SAE1: variants seen among roughly 807,000 people sequenced by gnomAD.
SAE1 encodes SUMO-activating enzyme subunit 1.
In SAE1, 11 loss-of-function variants were observed where a neutral mutation model predicts 40.6. That is an observed-to-expected ratio of 0.27 (90% confidence interval 0.17 to 0.45). The LOEUF is 0.45. Among genes scored for constraint, SAE1 ranks in the 20% least tolerant of loss-of-function variants. The pLI, the probability that SAE1 is intolerant of heterozygous loss-of-function variation, is 1.00. For synonymous variants in SAE1, 155 were observed against 154.3 expected, an observed-to-expected ratio of 1.00 and a Z score of -0.03; for missense variants, 373 against 427.3, an observed-to-expected ratio of 0.87 and a Z score of 1.12.
intron 2 of SAE1, among the ~76,000 whole-genome samples, chr19:47,145,825 G>A (rs769390869): frequency 2.0e-5 from 3 of 152,068 alleles, no homozygotes; most frequent in Non-Finnish European, 2.9e-5. Flanking sequence ...ATCTTAGAGC[G>A]TATTATGTAG....
rs138040531 is a variant in SAE1 at position 47,197,612 on chromosome 19, G to A, written c.878+235G>A. On this transcript the variant is annotated intron_variant, in intron 7 of 8. Coordinates refer to ENST00000270225, the MANE Select transcript of SAE1 (RefSeq NM_005500.3). The stretch of plus-strand genomic sequence containing the variant: ...TATATTCACGTGGTTCAAAATTCAA[G>A]GCAATGTAAGATCTGTAAACATTAT... Among the ~76,000 whole-genome samples the A allele has an allele frequency of 4.4e-3, 669 of 152,236 alleles. 2 individuals are homozygous for A. Among genetic ancestry groups the A allele is most frequent in the African/African-American group, 0.015 (639 of 41,540 alleles).
At chr19:47,161,240 G>A (rs1022991407) in intron 5 of SAE1, among the ~76,000 whole-genome samples, 4 of 150,026 alleles carry the variant, frequency 2.7e-5, no homozygotes, top group East Asian at 2.0e-4. Context: ...CAAACTCCTG[G>A]CCTCAAGTGA....
intron 5 of SAE1, among the ~76,000 whole-genome samples, chr19:47,162,395 T>G (rs1215664667): frequency 6.6e-6 from 1 of 152,212 alleles, no homozygotes; most frequent in Non-Finnish European, 1.5e-5. Flanking sequence ...CATTTTCAGC[T>G]TTACCAGACC....
chr19:47,190,412 C>A (rs1487167690), intron 6 of SAE1, among the ~76,000 whole-genome samples: 1 of 152,214 alleles, frequency 6.6e-6, no homozygotes, highest in African/African-American at 2.4e-5. Context: ...TAAGCGAGAA[C>A]TTGTCAGGGG....
chr19:47,139,612 G>C (rs1397189859), intron 1 of SAE1, among the ~76,000 whole-genome samples: 1 of 137,008 alleles, frequency 7.3e-6, no homozygotes. Flanking sequence ...TTTTGAGACA[G>C]AGTCTCACTC....
chr19:47,206,767 C>T (rs2058688765), intron 8 of SAE1, among the ~76,000 whole-genome samples: 3 of 152,136 alleles, frequency 2.0e-5, no homozygotes, highest in Admixed American at 1.3e-4. Flanking sequence ...TGGTAAAGGA[C>T]TCCTGGCCCT....
At chr19:47,186,488 T>C (rs560099654) in intron 6 of SAE1, among the ~76,000 whole-genome samples, 1 of 152,264 alleles carries the variant, frequency 6.6e-6, no homozygotes, top group East Asian at 1.9e-4. Flanking sequence ...CATTTTTACA[T>C]GGTTCATTGA....
chr19:47,152,948 C>T lies in SAE1; in HGVS notation c.435C>T (p.Ile145=). ...SRDVIVKVDQ[I]CHKNSIKFFT... ...ATGTCATAGTTAAAGTTGACCAGATCTGTCACAAAAATAGCATCAAGTTCT... is the reference window on the plus strand; with the variant it reads ...ATGTCATAGTTAAAGTTGACCAGATTTGTCACAAAAATAGCATCAAGTTCT... Residue 145 remains isoleucine (I), a synonymous_variant, in exon 4 of 9, where the codon ATC becomes ATT. Transcript: ENST00000270225. The T allele has an allele frequency of 6.2e-7, 1 of 1,612,378 alleles. No individual in the cohort carries two copies. The highest frequency in any genetic ancestry group is 8.5e-7 in the Non-Finnish European group (1 of 1,179,804).
intron 5 of SAE1, among the ~76,000 whole-genome samples, chr19:47,159,640 C>T (rs1432944619): frequency 6.6e-6 from 1 of 151,530 alleles, no homozygotes; most frequent in Non-Finnish European, 1.5e-5. Flanking sequence ...CTGCAGCCTC[C>T]CAAGTAGCTG....
chr19:47,188,594 A>G (rs756726425), intron 6 of SAE1, among the ~76,000 whole-genome samples: 2 of 152,198 alleles, frequency 1.3e-5, no homozygotes, highest in Admixed American at 1.3e-4. Context: ...GAGCAGTGAC[A>G]GACCTGGAAG....
At chr19:47,162,644 A>G (rs2058366059) in intron 5 of SAE1, among the ~76,000 whole-genome samples, 1 of 152,088 alleles carries the variant, frequency 6.6e-6, no homozygotes, top group Admixed American at 6.6e-5. Context: ...TGGGGATTAT[A>G]TTCATCTTTA....
chr19:47,154,480 CTTTTTTTTTTTTTTTTT>C (rs57870733), intron 4 of SAE1, among the ~76,000 whole-genome samples: 3 of 51,606 alleles, frequency 5.8e-5, no homozygotes, highest in African/African-American at 8.3e-5. Flanking sequence ...TTAAGTTTGG[CTTTTTTTTTTTTTTTTT>C]TTTTTTTTTT....
Position 47,171,378 on chromosome 19 carries a change from C to G in SAE1, c.733+1455C>G, listed in dbSNP as rs374334375. On this transcript the variant is annotated intron_variant, in intron 6 of 8. Coordinates refer to ENST00000270225, the MANE Select transcript of SAE1 (RefSeq NM_005500.3). ...GCACGATCTTGGCACACTGCAACCT[C>G]TGCCTCCCAGGCTCAAGCAATTCTC... 1.1e-4 allele frequency among the ~76,000 whole-genome samples: 16 copies of G among 152,216 alleles called. 2 individuals are homozygous for G. Among genetic ancestry groups the G allele is most frequent in the Admixed American group, 5.2e-4 (8 of 15,266 alleles).
At chr19:47,198,965 G>A (rs1447344175) in intron 7 of SAE1, among the ~76,000 whole-genome samples, 1 of 152,132 alleles carries the variant, frequency 6.6e-6, no homozygotes, top group Non-Finnish European at 1.5e-5. Flanking sequence ...ACTGGTGCTT[G>A]TAGTCTCAGC....
intron 5 of SAE1, among the ~76,000 whole-genome samples, chr19:47,157,952 G>A (rs1387495666): frequency 2.0e-5 from 3 of 152,100 alleles, no homozygotes; most frequent in Non-Finnish European, 4.4e-5. Flanking sequence ...GCAATAACAT[G>A]CCTCCTTCCG....
intron 8 of SAE1, among the ~76,000 whole-genome samples, chr19:47,208,792 A>G (rs1568613873): frequency 6.6e-6 from 1 of 152,254 alleles, no homozygotes; most frequent in East Asian, 1.9e-4. Context: ...CCTGGGCTCA[A>G]GTGATTCTCC....
intron 1 of SAE1, 56 bp downstream of exon 1, chr19:47,131,084 G>C (rs2058139023): frequency 6.8e-7 from 1 of 1,468,410 alleles, no homozygotes; most frequent in Non-Finnish European, 9.0e-7. Context: ...TCTATTCTGA[G>C]GCGTTTGCGG....
intron 2 of SAE1, among the ~76,000 whole-genome samples, chr19:47,145,625 G>A (rs913315777): frequency 6.6e-6 from 1 of 151,996 alleles, no homozygotes; most frequent in Non-Finnish European, 1.5e-5. Context: ...CTGTCGCCCA[G>A]GCTGGAGTAC....
intron 6 of SAE1, among the ~76,000 whole-genome samples, chr19:47,181,780 C>CTTTTTTTTTTTTT (rs36107839): frequency 1.0e-5 from 1 of 96,548 alleles, no homozygotes. Context: ...CACCTGGCCT[C>CTTTTTTTTTTTTT]TTTTTTTTTT....
Sources: allele counts gnomAD v4.1 joint callset (sites outside exome capture counted in the v4.1 genomes callset), GRCh38; gene constraint gnomAD v4.1.1; transcripts MANE v1.5; gene names NCBI Gene and HGNC (gene_info 2026-07-23, HGNC 2026-07-21).